The following SLC10A5 variants were observed in gnomAD, a reference collection of about 807,000 sequenced individuals.
SLC10A5 encodes the protein solute carrier family 10 member 5.
For missense variants in SLC10A5, 475 were observed against 500.7 expected (o/e 0.95, Z 0.49); for synonymous variants, 181 against 183.7 (o/e 0.99, Z 0.12).
chr8:81,693,772 A>G lies in SLC10A5; in HGVS notation c.1201T>C (p.Phe401Leu). Residue 401 changes from phenylalanine (F) to leucine (L), a missense_variant, in exon 1 of 1, where the codon TTT becomes CTT. Coordinates refer to ENST00000518568, the MANE Select transcript of SLC10A5 (RefSeq NM_001010893.3). ...SKANLASVAP[F>L]TVAMCSGCEM... ...CATCCAGAACACATGGCTACTGTAA[A>G]AGGAGCCACAGAAGCTAAATTGGCC... is the stretch of plus-strand genomic sequence containing the variant. 6.2e-7 allele frequency: 1 copy of G among 1,614,070 alleles called. No homozygotes were observed. The highest frequency in any genetic ancestry group is 8.5e-7 in the Non-Finnish European group (1 of 1,179,924).
At position 81,694,295 on chromosome 8, in the gene SLC10A5, C is replaced by G; in HGVS notation, c.678G>C (p.Leu226=). Residue 226 remains leucine (L), a synonymous_variant, in exon 1 of 1, where the codon CTG becomes CTC. Coordinates refer to ENST00000518568, the MANE Select transcript of SLC10A5 (RefSeq NM_001010893.3). ...CCAATGTGAAATCTCCATCTAGAAGCAGAGCAAAGAGATAGCCCCCACCCC... is the reference window on the plus strand; with the variant it reads ...CCAATGTGAAATCTCCATCTAGAAGGAGAGCAAAGAGATAGCCCCCACCCC... ...PGGGGGYLFA[L]LLDGDFTLAI... is the part of the protein sequence containing the mutation. The G allele has an allele frequency of 6.2e-7, 1 of 1,614,062 alleles. No individual in the cohort carries two copies. Among genetic ancestry groups the G allele is most frequent in the Non-Finnish European group, 8.5e-7 (1 of 1,180,002 alleles).
chr8:81,694,642 G>A lies in SLC10A5; in HGVS notation c.331C>T (p.Gln111Ter), dbSNP rs1299136309. The change falls in exon 1 of 1, where the codon CAA becomes TAA. Residue 111 changes from glutamine to a stop codon, truncating the protein, a stop_gained. Coordinates refer to ENST00000518568, the MANE Select transcript of SLC10A5 (RefSeq NM_001010893.3). LOFTEE classifies it low-confidence loss of function (END_TRUNC). The stretch of plus-strand genomic sequence containing the variant: ...TTGATTTCTTCAATGAGTCTTTCTT[G>A]CCTACCTTCAGAATCCCAGAGTTGA... Reference protein sequence around the residue: ...TIQLWDSEGRQERLIEEIKNV... With the variant: ...TIQLWDSEGR 1.2e-6 allele frequency: 2 copies of A among 1,613,826 alleles called. No homozygotes were observed. The highest frequency in any genetic ancestry group is 2.2e-5 in the South Asian group (2 of 91,060).
Position 81,694,150 on chromosome 8 carries a change from C to CA in SLC10A5, c.822dup (p.Val275CysfsTer20). 1 of 1,614,030 alleles carries CA rather than the reference C, an allele frequency of 6.2e-7. No homozygotes were observed. The highest frequency in any genetic ancestry group is 1.7e-5 in the Admixed American group (1 of 59,992). On this transcript the variant is annotated frameshift_variant, in exon 1 of 1. Transcript: ENST00000518568. LOFTEE classifies it low-confidence loss of function (END_TRUNC). ...ACAAGTATGAAAAGGAGTGTTGACA[C>CA]AATTTTAGAAACAGGAATATGGAAT...
rs540822095 is a variant in SLC10A5, at chr8:81,694,322, TC to T, written c.650del (p.Gly217GlufsTer12). 62 of 1,609,372 alleles carry T rather than the reference TC, an allele frequency of 3.9e-5. 1 individual carries two copies. The South Asian group carries it at 6.4e-4, about 17-fold the overall frequency. Reference protein sequence around the residue: ...FGVVMTCTCPGGGGGYLFALL... With the variant: ...FGVVMTCTCPXGGGGYLFALL... ...GAGCAAAGAGATAGCCCCCACCCCC[TC>T]CTGGGCACGTGCAGGTCATTACAAC... On this transcript the variant is annotated frameshift_variant, in exon 1 of 1. Coordinates refer to ENST00000518568, the MANE Select transcript of SLC10A5 (RefSeq NM_001010893.3). LOFTEE classifies it low-confidence loss of function (END_TRUNC).
At position 81,694,904 on chromosome 8, in the gene SLC10A5, C is replaced by G. The variant is rs761549084; in HGVS notation, c.69G>C (p.Ser23=). The G allele has an allele frequency of 3.1e-6, 5 of 1,604,464 alleles. No homozygotes were observed. Among genetic ancestry groups the G allele is most frequent in the Non-Finnish European group, 4.2e-6 (5 of 1,177,960 alleles). The change falls in exon 1 of 1, where the codon TCG becomes TCC. Residue 23 remains serine, a synonymous_variant. Transcript: ENST00000518568. ...TCTTCTCTATATTCAGAAAACTGAG[C>G]GATGACATCCTTGCTTCTTCTATAG... ...LVTIEEARMS[S]LSFLNIEKTE...
Position 81,693,789 on chromosome 8 carries a change from A to C in SLC10A5, c.1184T>G (p.Leu395Ter). The C allele has an allele frequency of 1.2e-6, 2 of 1,614,180 alleles. No homozygotes were observed. Among genetic ancestry groups the C allele is most frequent in the South Asian group, 2.2e-5 (2 of 91,086 alleles). Reference protein sequence around the residue: ...QLSFPQSKANLASVAPFTVAM... With the variant: ...QLSFPQSKAN ...TACTGTAAAAGGAGCCACAGAAGCT[A>C]AATTGGCCTTGGACTGTGGAAAAGA... Residue 395 changes from leucine (L) to a stop codon, truncating the protein, a stop_gained, in exon 1 of 1, where the codon TTA becomes TGA. Coordinates refer to ENST00000518568, the MANE Select transcript of SLC10A5 (RefSeq NM_001010893.3). LOFTEE classifies it low-confidence loss of function (END_TRUNC).
rs1807703215 is a variant in SLC10A5 at position 81,694,798 on chromosome 8, G to A, written c.175C>T (p.His59Tyr). 11 of 1,613,914 alleles carry A rather than the reference G, an allele frequency of 6.8e-6. No homozygotes were observed. Among genetic ancestry groups the A allele is most frequent in the Non-Finnish European group, 9.3e-6 (11 of 1,179,992 alleles). The change falls in exon 1 of 1, where the codon CAC (histidine) becomes TAC (tyrosine). Residue 59 changes from histidine to tyrosine, a missense_variant. His to Tyr is a moderately conservative substitution (Grantham distance 83, BLOSUM62 2). Coordinates refer to ENST00000518568, the MANE Select transcript of SLC10A5 (RefSeq NM_001010893.3). ...SYENKRPNSS[H>Y]LFVKIEDPKI... is the part of the protein sequence containing the mutation. Reference sequence around the variant, plus strand: ...GGATCTTCTATTTTCACAAAGAGGTGGCTGGAATTAGGCCGTTTATTTTCG... The same window carrying A: ...GGATCTTCTATTTTCACAAAGAGGTAGCTGGAATTAGGCCGTTTATTTTCG...
Position 81,694,096 on chromosome 8 carries a change from G to C in SLC10A5, c.877C>G (p.His293Asp). ...VPVSIGIVIK[H>D]RIPEKASFLE... ...AAGCTTGCTTTTTCAGGTATTCTAT[G>C]CTTGATGACTATTCCAATTGATACT... The change falls in exon 1 of 1, where the codon CAT (histidine) becomes GAT (aspartate). Residue 293 changes from histidine (H) to aspartate (D), a missense_variant. Coordinates refer to ENST00000518568, the MANE Select transcript of SLC10A5 (RefSeq NM_001010893.3). 6.2e-7 allele frequency: 1 copy of C among 1,614,074 alleles called. No homozygotes were observed. Among genetic ancestry groups the C allele is most frequent in the South Asian group, 1.1e-5 (1 of 91,084 alleles).
chr8:81,694,912 T>C lies in SLC10A5; in HGVS notation c.61A>G (p.Met21Val). Residue 21 changes from methionine to valine, a missense_variant, in exon 1 of 1, where the codon ATG (methionine) becomes GTG (valine). Physicochemically the swap from Met to Val is conservative, Grantham distance 21 (BLOSUM62 1). Transcript: ENST00000518568. ...LLLVTIEEAR[M>V]SSLSFLNIEK... Reference sequence around the variant, plus strand: ...ATATTCAGAAAACTGAGCGATGACATCCTTGCTTCTTCTATAGTCACAAGC... The same window carrying C: ...ATATTCAGAAAACTGAGCGATGACACCCTTGCTTCTTCTATAGTCACAAGC... 6.2e-7 allele frequency: 1 copy of C among 1,600,554 alleles called. No homozygotes were observed.
chr8:81,693,781 C>T lies in SLC10A5; in HGVS notation c.1192G>A (p.Val398Met), dbSNP rs771412008. ...CACATGGCTACTGTAAAAGGAGCCA[C>T]AGAAGCTAAATTGGCCTTGGACTGT... ...FPQSKANLAS[V>M]APFTVAMCSG... The change falls in exon 1 of 1, where the codon GTG (valine) becomes ATG (methionine). Residue 398 changes from valine to methionine, a missense_variant. By Grantham distance (21) the Val-to-Met change is conservative. Transcript: ENST00000518568. The T allele has an allele frequency of 1.8e-5, 29 of 1,613,996 alleles. No individual in the cohort carries two copies. The Middle Eastern group carries it at 8.2e-4, about 46-fold the overall frequency.
rs764357474 is a variant in SLC10A5 at position 81,694,483 on chromosome 8, A to G, written c.490T>C (p.Leu164=). The change falls in exon 1 of 1, where the codon TTA becomes CTA. Residue 164 remains leucine, a synonymous_variant. Coordinates refer to ENST00000518568, the MANE Select transcript of SLC10A5 (RefSeq NM_001010893.3). ...TTCCATACTGTTTGAAACAGCTGTA[A>G]TTCAATCTTACAACCAAATGCACAC... ...NKCAFGCKIE[L]QLFQTVWKRP... The G allele has an allele frequency of 5.0e-6, 8 of 1,614,252 alleles. No individual in the cohort carries two copies. Among genetic ancestry groups the G allele is most frequent in the Non-Finnish European group, 6.8e-6 (8 of 1,180,042 alleles).
Position 81,694,371 on chromosome 8 carries a change from A to T in SLC10A5, c.602T>A (p.Leu201Ter), listed in dbSNP as rs112999969. The change falls in exon 1 of 1, where the codon TTG (leucine) becomes TAG (stop). Residue 201 changes from leucine (L) to a stop codon, truncating the protein, a stop_gained. Transcript: ENST00000518568. LOFTEE classifies it low-confidence loss of function (END_TRUNC). ...CGFLLSQIVA[L>*]PEAQAFGVVM... ...AACTCCAAAAGCTTGCGCCTCAGGC[A>T]ATGCCACAATCTGAGACAAAAGAAA... 7.5e-4 allele frequency: 1,218 copies of T among 1,613,792 alleles called. 12 individuals are homozygous for T. In the African/African-American group the frequency reaches 0.015, roughly 20 times the overall value.
In SLC10A5 at chr8:81,694,049, A is replaced by G; in HGVS notation, c.924T>C (p.Pro308=). Residue 308 remains proline, a synonymous_variant, in exon 1 of 1, where the codon CCT becomes CCC. Transcript: ENST00000518568. The part of the protein sequence containing the change: ...KASFLERIIR[P]LSFILMFVGI... ...CTACGAACATTAAAATAAAACTCAGAGGTCTAATTATTCTCTCTAAGAAGC... is the reference window on the plus strand; with the variant it reads ...CTACGAACATTAAAATAAAACTCAGGGGTCTAATTATTCTCTCTAAGAAGC... 2.5e-6 allele frequency: 4 copies of G among 1,613,962 alleles called. No homozygotes were observed. The highest frequency in any genetic ancestry group is 2.5e-6 in the Non-Finnish European group (3 of 1,180,014).
At position 81,694,769 on chromosome 8, in the gene SLC10A5, T is replaced by G; in HGVS notation, c.204A>C (p.Lys68Asn). 3 of 1,613,952 alleles carry G rather than the reference T, an allele frequency of 1.9e-6. No homozygotes were observed. The highest frequency in any genetic ancestry group is 2.5e-6 in the Non-Finnish European group (3 of 1,179,986). The part of the protein sequence containing the change: ...SHLFVKIEDP[K>N]ILQMVNVAKK... ...TGGCCACATTCACCATTTGTAGTAT[T>G]TTAGGATCTTCTATTTTCACAAAGA... Residue 68 changes from lysine to asparagine, a missense_variant, in exon 1 of 1, where the codon AAA becomes AAC. Lys to Asn is a moderately conservative substitution (Grantham distance 94, BLOSUM62 0). Transcript: ENST00000518568.
rs748486335 is a variant in SLC10A5, at chr8:81,694,856, CT to C, written c.116del (p.Lys39ArgfsTer8). The C allele has an allele frequency of 1.2e-6, 2 of 1,613,576 alleles. No homozygotes were observed. Among genetic ancestry groups the C allele is most frequent in the African/African-American group, 2.7e-5 (2 of 74,902 alleles). On this transcript the variant is annotated frameshift_variant, in exon 1 of 1. Transcript: ENST00000518568. LOFTEE classifies it low-confidence loss of function (END_TRUNC). ...IEKTEILFFT[K>X]TEETILVSSS... is the part of the protein sequence containing the mutation. The stretch of plus-strand genomic sequence containing the variant: ...AACTTACAAGGATGGTTTCTTCAGT[CT>C]TTGTGAAAAATAGTATTTCAGTCTT...
chr8:81,694,679 T>G lies in SLC10A5; in HGVS notation c.294A>C (p.Thr98=). ...INLVTDEEGE[T]NVTIQLWDSE... is the part of the protein sequence containing the mutation. ...AATCCCAGAGTTGAATAGTCACATT[T>G]GTTTCTCCTTCTTCATCAGTCACCA... Residue 98 remains threonine (T), a synonymous_variant, in exon 1 of 1, where the codon ACA becomes ACC. Transcript: ENST00000518568. 1 of 1,614,082 alleles carries G rather than the reference T, an allele frequency of 6.2e-7. No individual in the cohort carries two copies. Among genetic ancestry groups the G allele is most frequent in the Non-Finnish European group, 8.5e-7 (1 of 1,180,028 alleles).
rs763311140 is a variant in SLC10A5, at chr8:81,694,666, G to A, written c.307C>T (p.Gln103Ter). 9.3e-6 allele frequency: 15 copies of A among 1,613,944 alleles called. No individual in the cohort carries two copies. In the South Asian group the frequency reaches 1.6e-4, roughly 18 times the overall value. Residue 103 changes from glutamine to a stop codon, truncating the protein, a stop_gained, in exon 1 of 1, where the codon CAA (glutamine) becomes TAA (stop). Transcript: ENST00000518568. LOFTEE classifies it low-confidence loss of function (END_TRUNC). ...DEEGETNVTI[Q>*]LWDSEGRQER... Reference sequence around the variant, plus strand: ...TGCCTACCTTCAGAATCCCAGAGTTGAATAGTCACATTTGTTTCTCCTTCT... The same window carrying A: ...TGCCTACCTTCAGAATCCCAGAGTTAAATAGTCACATTTGTTTCTCCTTCT...
At position 81,694,004 on chromosome 8, in the gene SLC10A5, T is replaced by C. The variant is rs538987941; in HGVS notation, c.969A>G (p.Thr323=). 1.2e-6 allele frequency: 2 copies of C among 1,613,882 alleles called. No homozygotes were observed. Among genetic ancestry groups the C allele is most frequent in the African/African-American group, 1.3e-5 (1 of 75,054 alleles). Residue 323 remains threonine (T), a synonymous_variant, in exon 1 of 1, where the codon ACA becomes ACG. Transcript: ENST00000518568. Reference sequence around the variant, plus strand: ...CTGTTTTTAAGAACACTAATCCCACTGTGAAAGTCAAATAAATTCCTACGA... The same window carrying C: ...CTGTTTTTAAGAACACTAATCCCACCGTGAAAGTCAAATAAATTCCTACGA... ...LMFVGIYLTF[T]VGLVFLKTDN... is the part of the protein sequence containing the mutation.
rs1203215380 is a variant in SLC10A5 at position 81,693,915 on chromosome 8, G to C, written c.1058C>G (p.Ser353Cys). 2 of 1,613,996 alleles carry C rather than the reference G, an allele frequency of 1.2e-6. No individual in the cohort carries two copies. The highest frequency in any genetic ancestry group is 3.3e-5 in the Admixed American group (2 of 59,984). The part of the protein sequence containing the change: ...VPALGLLFGY[S>C]FAKVCTLPLP... ...AGGCAGCGTACAAACTTTAGCAAAGGAGTACCCAAACAGCAAACCCAAAGC... is the reference window on the plus strand; with the variant it reads ...AGGCAGCGTACAAACTTTAGCAAAGCAGTACCCAAACAGCAAACCCAAAGC... The change falls in exon 1 of 1, where the codon TCC (serine) becomes TGC (cysteine). Residue 353 changes from serine to cysteine, a missense_variant. Transcript: ENST00000518568.
Sources: gnomAD v4.1 joint callset for allele counts on GRCh38, gnomAD v4.1.1 for gene constraint, MANE v1.5 for transcripts, NCBI Gene and HGNC (gene_info 2026-07-23, HGNC 2026-07-21) for gene names.